Variants in SPTLC1 observed in about 807,000 individuals in gnomAD.
SPTLC1 encodes serine palmitoyltransferase 1.
Under a neutral mutation model 68.9 loss-of-function variants are expected in SPTLC1, and 55 were observed. The ratio of observed to expected loss-of-function variants is 0.80; its 90% CI spans 0.64 to 1.00. The LOEUF is 1.00. Among genes scored for constraint, SPTLC1 ranks in the 50% least tolerant of loss-of-function variants. The pLI is 0.00. For synonymous variants in SPTLC1, 197 were observed against 201.6 expected (o/e 0.98, Z 0.19); for missense variants, 449 against 573.1 (o/e 0.78, Z 2.21).
chr9:92,048,069 G>A (rs898228561), intron 9 of SPTLC1, among the ~76,000 whole-genome samples: 1 of 152,134 alleles, frequency 6.6e-6, no homozygotes. Flanking sequence ...GGTCTAGCTG[G>A]CCTTCCTCAT....
chr9:92,038,586 G>C (rs542283692), intron 12 of SPTLC1: 40 of 566,074 alleles, frequency 7.1e-5, no homozygotes, highest in African/African-American at 6.9e-4. Context: ...GTGGCTTCCT[G>C]AGTGCAGGAC....
rs1003749937 is a variant in SPTLC1, at chr9:92,115,083, A to G, written c.57+231T>C. On this transcript the variant is annotated intron_variant, in intron 1 of 14. Transcript: ENST00000262554. The stretch of plus-strand genomic sequence containing the variant: ...TTTCCGGAGCTTCCAGGGGACCCGG[A>G]GCATAAGAATTCAAACCGAGACCCT... 5.1e-6 allele frequency: 3 copies of G among 590,496 alleles called. No individual in the cohort carries two copies. The East Asian group carries it at 8.5e-5, about 17-fold the overall frequency. The allele number at this position is 590,496 out of a possible 1,614,324, so 36.6% of individuals were successfully genotyped here.
chr9:92,050,438 G>T (rs966335291), intron 8 of SPTLC1: 1 of 284,224 alleles, frequency 3.5e-6, no homozygotes, highest in Non-Finnish European at 6.9e-6. Flanking sequence ...ATTTAGAGTC[G>T]CCCCCAAGTG....
At chr9:92,052,979 T>A (rs1017216995) in intron 8 of SPTLC1, among the ~76,000 whole-genome samples, 1 of 150,858 alleles carries the variant, frequency 6.6e-6, no homozygotes, top group Admixed American at 6.6e-5. Context: ...GGAGAAAATA[T>A]TTGCAAATCA....
At chr9:92,052,733 T>C (rs1177172901) in intron 8 of SPTLC1, among the ~76,000 whole-genome samples, 2 of 151,882 alleles carry the variant, frequency 1.3e-5, no homozygotes, top group Non-Finnish European at 2.9e-5. Context: ...GGTTTTACCA[T>C]GTTGGCCAGG....
chr9:92,063,410 T>C (rs1430435206), intron 6 of SPTLC1, among the ~76,000 whole-genome samples: 1 of 152,122 alleles, frequency 6.6e-6, no homozygotes, highest in African/African-American at 2.4e-5. Flanking sequence ...CAGGCCCAGA[T>C]GGTTTCATGG....
At chr9:92,105,634 G>A (rs1368171304) in intron 3 of SPTLC1, among the ~76,000 whole-genome samples, 1 of 151,636 alleles carries the variant, frequency 6.6e-6, no homozygotes, top group Non-Finnish European at 1.5e-5. Context: ...GAGCGCCTCT[G>A]CCTGGCCACC....
At chr9:92,041,301 T>G (rs1452738714) in intron 12 of SPTLC1, among the ~76,000 whole-genome samples, 4 of 152,190 alleles carry the variant, frequency 2.6e-5, no homozygotes, top group Non-Finnish European at 2.9e-5. Flanking sequence ...AATATTTATC[T>G]TTAATATATT....
At chr9:92,091,552 T>C (rs767594891) in intron 3 of SPTLC1, among the ~76,000 whole-genome samples, 9 of 152,226 alleles carry the variant, frequency 5.9e-5, no homozygotes, top group Admixed American at 3.3e-4. Flanking sequence ...ATTTTAAATA[T>C]ATATGTGCAA....
chr9:92,086,646 C>T (rs990132700), intron 3 of SPTLC1, among the ~76,000 whole-genome samples: 1 of 152,178 alleles, frequency 6.6e-6, no homozygotes, highest in Non-Finnish European at 1.5e-5. Flanking sequence ...TTGTGGGTAA[C>T]CCAACCTTTC....
intron 4 of SPTLC1, among the ~76,000 whole-genome samples, chr9:92,080,366 T>C (rs1345752127): frequency 6.6e-6 from 1 of 152,138 alleles, no homozygotes; most frequent in Non-Finnish European, 1.5e-5. Context: ...AGAGAGCAAT[T>C]TCCTAGACCC....
At chr9:92,047,343 C>A in intron 10 of SPTLC1, 75 bp from the exon 11 acceptor site, 1 of 1,207,348 alleles carries the variant, frequency 8.3e-7, no homozygotes, top group East Asian at 2.3e-5. Context: ...CACCAGTTCT[C>A]TAGAACAACT....
At position 92,068,064 on chromosome 9, in the gene SPTLC1, T is replaced by C. The variant is rs751404220; in HGVS notation, c.462A>G (p.Lys154=). 1.2e-6 allele frequency: 2 copies of C among 1,613,944 alleles called. No individual in the cohort carries two copies. Among genetic ancestry groups the C allele is most frequent in the African/African-American group, 1.3e-5 (1 of 74,920 alleles). The part of the protein sequence containing the change: ...VHLDLEDRLA[K]FMKTEEAIIY... ...TAATGGCTTCTTCTGTCTTCATAAA[T>C]TTTGCCAGGCGGTCTTCCAAATCCA... is the stretch of plus-strand genomic sequence containing the variant. The change falls in exon 6 of 15, where the codon AAA becomes AAG. Residue 154 remains lysine (K), a synonymous_variant. Coordinates refer to ENST00000262554, the MANE Select transcript of SPTLC1 (RefSeq NM_006415.4).
Position 92,091,087 on chromosome 9 carries a change from A to G in SPTLC1, c.261-10124T>C, listed in dbSNP as rs184443151. On this transcript the variant is annotated intron_variant, in intron 3 of 14. Transcript: ENST00000262554. The stretch of plus-strand genomic sequence containing the variant: ...CTAATTAGTTACAACTTCAACCAGA[A>G]TGATCTCTAACAATGCTACCTTTAG... Among the ~76,000 whole-genome samples the G allele has an allele frequency of 7.3e-3, 1,110 of 152,134 alleles. 9 individuals carry two copies. The highest frequency in any genetic ancestry group is 0.025 in the African/African-American group (1,037 of 41,378).
intron 12 of SPTLC1, among the ~76,000 whole-genome samples, chr9:92,039,341 T>A (rs925021348): frequency 2.0e-5 from 3 of 152,148 alleles, no homozygotes; most frequent in African/African-American, 4.8e-5. Context: ...AGGGGCCAAA[T>A]CCTGTATTTT....
rs545956110 is a variant in SPTLC1 at position 92,082,771 on chromosome 9, G to A, written c.261-1808C>T. On this transcript the variant is annotated intron_variant, in intron 3 of 14. Coordinates refer to ENST00000262554, the MANE Select transcript of SPTLC1 (RefSeq NM_006415.4). Reference sequence around the variant, plus strand: ...TATATACCCAGTAATGGGATGGCTGGGTCAAATGGTATTTCTAGTTCTAGA... The same window carrying A: ...TATATACCCAGTAATGGGATGGCTGAGTCAAATGGTATTTCTAGTTCTAGA... Among the ~76,000 whole-genome samples, 8 of 151,538 alleles carry A rather than the reference G, an allele frequency of 5.3e-5. No individual in the cohort carries two copies. The South Asian group carries it at 1.7e-3, about 32-fold the overall frequency.
At chr9:92,086,451 C>G (rs1835136673) in intron 3 of SPTLC1, among the ~76,000 whole-genome samples, 1 of 152,182 alleles carries the variant, frequency 6.6e-6, no homozygotes, top group Non-Finnish European at 1.5e-5. Flanking sequence ...GTGACAAAAT[C>G]TCTCAGCATT....
Position 92,080,968 on chromosome 9 carries a change from G to GA in SPTLC1, c.261-6_261-5insT. 6.2e-7 allele frequency: 1 copy of GA among 1,607,658 alleles called. No individual in the cohort carries two copies. The highest frequency in any genetic ancestry group is 1.3e-5 in the African/African-American group (1 of 74,272). On this transcript the variant is annotated splice_region_variant and splice_polypyrimidine_tract_variant and intron_variant, in intron 3 of 14. Coordinates refer to ENST00000262554, the MANE Select transcript of SPTLC1 (RefSeq NM_006415.4). ...ACAGTTTTGTGGCTTGGAGGGCTAG[G>GA]GAAGAGATAGAGTGGTACATGTCAA...
chr9:92,047,041 C>T (rs1205845305), intron 11 of SPTLC1, 131 bp downstream of exon 11: 18 of 788,112 alleles, frequency 2.3e-5, no homozygotes, highest in East Asian at 1.8e-4. Context: ...TGCCATTCTT[C>T]CTATGAATGC....
Sources: allele counts gnomAD v4.1 joint callset (sites outside exome capture counted in the v4.1 genomes callset), GRCh38; gene constraint gnomAD v4.1.1; transcripts MANE v1.5; gene names NCBI Gene and HGNC (gene_info 2026-07-23, HGNC 2026-07-21).